Variants in TOX observed in about 807,000 individuals in gnomAD.
The protein encoded by TOX is thymocyte selection-associated high mobility group box protein TOX.
Under a neutral mutation model 53.7 loss-of-function variants are expected in TOX, and 11 were observed. That is an observed-to-expected ratio of 0.20 (90% CI 0.13 to 0.34). The LOEUF (loss-of-function observed/expected upper bound fraction) is 0.34. Ranked by LOEUF, TOX falls within the 10% of genes least tolerant of loss-of-function variation. TOX has a pLI of 1.00. For missense variants in TOX, 570 were observed against 664.6 expected (o/e 0.86, Z 1.56); for synonymous variants, 225 against 245.3 (o/e 0.92, Z 0.77).
intron 2 of TOX, among the ~76,000 whole-genome samples, chr8:58,947,628 A>G (rs1031845483): frequency 6.6e-6 from 1 of 152,222 alleles, no homozygotes; most frequent in African/African-American, 2.4e-5. Context: ...ACAGTTTGTT[A>G]TAAAGATAGT....
intron 3 of TOX, among the ~76,000 whole-genome samples, chr8:58,903,707 T>C (rs1811766776): frequency 6.6e-6 from 1 of 152,160 alleles, no homozygotes; most frequent in African/African-American, 2.4e-5. Flanking sequence ...GAACAGGAGG[T>C]GACCTCAGGG....
At chr8:59,068,750 C>A (rs1804140556) in intron 1 of TOX, among the ~76,000 whole-genome samples, 1 of 152,134 alleles carries the variant, frequency 6.6e-6, no homozygotes, top group Admixed American at 6.5e-5. Context: ...ACGCTCCAGG[C>A]AGGTTGATTG....
At chr8:58,835,028 A>C (rs1810522959) in intron 5 of TOX, among the ~76,000 whole-genome samples, 1 of 152,186 alleles carries the variant, frequency 6.6e-6, no homozygotes, top group Non-Finnish European at 1.5e-5. Flanking sequence ...TAAAACATTT[A>C]CTTTTGTAAG....
At chr8:58,860,549 T>C (rs1458383250) in intron 3 of TOX, among the ~76,000 whole-genome samples, 2 of 152,364 alleles carry the variant, frequency 1.3e-5, no homozygotes, top group Admixed American at 1.3e-4. Flanking sequence ...TTGTGGTTGC[T>C]GCTCACGCTG....
In TOX at chr8:58,971,012, A is replaced by C. The variant is rs1006607026; in HGVS notation, c.103-11004T>G. ...AGAGACCACTCAGTCACTCTAGTTTAAATAGTCTGAAAAGTAGTTCATTTT... is the reference window on the plus strand; with the variant it reads ...AGAGACCACTCAGTCACTCTAGTTTCAATAGTCTGAAAAGTAGTTCATTTT... On this transcript the variant is annotated intron_variant, in intron 1 of 8. Coordinates refer to ENST00000361421, the MANE Select transcript of TOX (RefSeq NM_014729.3). Among the ~76,000 whole-genome samples, 24 of 152,198 alleles carry C rather than the reference A, an allele frequency of 1.6e-4. 1 individual carries two copies. The highest frequency in any genetic ancestry group is 1.0e-3 in the Admixed American group (16 of 15,288).
chr8:58,832,848 A>T (rs187069253), intron 5 of TOX, among the ~76,000 whole-genome samples: 1 of 152,326 alleles, frequency 6.6e-6, no homozygotes, highest in Admixed American at 6.5e-5. Flanking sequence ...CTGAGGAATA[A>T]AATAATGAGG....
At chr8:58,890,080 C>T (rs1461107687) in intron 3 of TOX, among the ~76,000 whole-genome samples, 1 of 152,080 alleles carries the variant, frequency 6.6e-6, no homozygotes, top group African/African-American at 2.4e-5. Flanking sequence ...GCACATTTCA[C>T]AAAATATTTT....
At chr8:59,107,489 A>G (rs772332270) in intron 1 of TOX, among the ~76,000 whole-genome samples, 19 of 152,316 alleles carry the variant, frequency 1.2e-4, no homozygotes, top group Non-Finnish European at 2.4e-4. Flanking sequence ...ACAAATTTGA[A>G]ACAAGTTAAT....
At chr8:59,039,845 AT>A (rs34427140) in intron 1 of TOX, among the ~76,000 whole-genome samples, 3,332 of 152,178 alleles carry the variant, frequency 0.022, 86 homozygotes, top group South Asian at 0.087. Flanking sequence ...AATTTAAATA[AT>A]TTTTTTTAAG....
chr8:58,974,354 T>C (rs1285687657), intron 1 of TOX, among the ~76,000 whole-genome samples: 1 of 152,178 alleles, frequency 6.6e-6, no homozygotes, highest in Non-Finnish European at 1.5e-5. Flanking sequence ...TTTTGGTCAT[T>C]TTTATGACAA....
At chr8:58,984,519 G>A (rs906401890) in intron 1 of TOX, among the ~76,000 whole-genome samples, 4 of 152,056 alleles carry the variant, frequency 2.6e-5, no homozygotes, top group Non-Finnish European at 5.9e-5. Flanking sequence ...AAGGACGGGC[G>A]CGGTGGCTCA....
At chr8:58,852,784 G>A (rs1810847756) in intron 3 of TOX, among the ~76,000 whole-genome samples, 1 of 152,090 alleles carries the variant, frequency 6.6e-6, no homozygotes, top group Non-Finnish European at 1.5e-5. Context: ...AGAAAAACAA[G>A]AAAACTGTGA....
intron 2 of TOX, among the ~76,000 whole-genome samples, chr8:58,959,267 C>T (rs955663920): frequency 2.0e-5 from 3 of 152,122 alleles, no homozygotes; most frequent in African/African-American, 7.2e-5. Flanking sequence ...ATTAAAGGAC[C>T]TGGACTTAAG....
At chr8:58,988,825 C>T (rs959212907) in intron 1 of TOX, among the ~76,000 whole-genome samples, 4 of 152,144 alleles carry the variant, frequency 2.6e-5, no homozygotes, top group Admixed American at 1.3e-4. Flanking sequence ...GGTGTACATG[C>T]CTAGAGCCAA....
In TOX at chr8:58,975,245, T is replaced by C. The variant is rs546258592; in HGVS notation, c.103-15237A>G. On this transcript the variant is annotated intron_variant, in intron 1 of 8. Transcript: ENST00000361421. The stretch of plus-strand genomic sequence containing the variant: ...TATGTATATGTGTGTGATATATATA[T>C]ACACACACACACACACACCCCCACA... Among the ~76,000 whole-genome samples the C allele has an allele frequency of 7.0e-3, 977 of 140,138 alleles. 5 individuals are homozygous for C. The highest frequency in any genetic ancestry group is 0.021 in the African/African-American group (703 of 33,614). The allele number at this position is 140,138 out of a possible 152,430, so 91.9% of individuals were successfully genotyped here. A position where few individuals can be genotyped will look rare whatever the true frequency, so the allele number is the denominator to read the frequency against.
At chr8:59,083,168 G>A (rs1479571734) in intron 1 of TOX, among the ~76,000 whole-genome samples, 2 of 152,098 alleles carry the variant, frequency 1.3e-5, no homozygotes, top group African/African-American at 4.8e-5. Context: ...AGGGAGGAAG[G>A]GCAGAGGAAA....
At chr8:58,901,943 T>G (rs1183692344) in intron 3 of TOX, among the ~76,000 whole-genome samples, 1 of 152,194 alleles carries the variant, frequency 6.6e-6, no homozygotes, top group African/African-American at 2.4e-5. Context: ...GAATGCACCA[T>G]GGATATCTTC....
intron 1 of TOX, among the ~76,000 whole-genome samples, chr8:59,062,226 G>A (rs1474259630): frequency 6.6e-6 from 1 of 152,166 alleles, no homozygotes; most frequent in Non-Finnish European, 1.5e-5. Flanking sequence ...GAGGTGGTAG[G>A]AGTGGAAAAG....
chr8:59,098,517 G>A (rs561459738), intron 1 of TOX, among the ~76,000 whole-genome samples: 25 of 151,766 alleles, frequency 1.6e-4, no homozygotes, highest in Admixed American at 8.5e-4. Flanking sequence ...AGATGGAGCC[G>A]GCTGACAGAA....
Sources: gnomAD v4.1 joint callset for allele counts (sites outside exome capture counted in the v4.1 genomes callset) on GRCh38, gnomAD v4.1.1 for gene constraint, MANE v1.5 for transcripts, NCBI Gene and HGNC (gene_info 2026-07-23, HGNC 2026-07-21) for gene names.